The following CCDC125 variants were observed in gnomAD, a reference collection of about 807,000 sequenced individuals.
CCDC125 encodes coiled-coil domain-containing protein 125.
In CCDC125, 43 loss-of-function variants were observed where a neutral mutation model predicts 57.4. The observed-to-expected ratio is 0.75, with a 90% CI of 0.59 to 0.97. CCDC125 has a LOEUF of 0.97. CCDC125 is among the 50% of genes least tolerant of loss of function. The pLI, the probability that CCDC125 is intolerant of heterozygous loss-of-function variation, is 0.00. For missense variants in CCDC125, 563 were observed against 595.7 expected (o/e 0.95, Z 0.57); for synonymous variants, 187 against 195.2 (o/e 0.96, Z 0.35).
At chr5:69,322,416 G>GT (rs1361022696) in intron 1 of CCDC125, among the ~76,000 whole-genome samples, 3 of 151,988 alleles carry the variant, frequency 2.0e-5, no homozygotes, top group African/African-American at 7.2e-5. Flanking sequence ...GGACCCCTGT[G>GT]TATTTCCTTG....
At chr5:69,308,216 C>T in intron 4 of CCDC125, 188 bp from the exon 5 acceptor site, 1 of 595,034 alleles carries the variant, frequency 1.7e-6, no homozygotes, top group South Asian at 2.0e-5. Flanking sequence ...GGCTCTTTTC[C>T]AATGAATGTG....
chr5:69,291,442 C>T (rs921523000), intron 10 of CCDC125, among the ~76,000 whole-genome samples: 2 of 151,990 alleles, frequency 1.3e-5, no homozygotes, highest in Non-Finnish European at 2.9e-5. Context: ...GCAACCTCTG[C>T]CTCCTGGGTT....
rs1359895826 is a variant in CCDC125, at chr5:69,281,779, G to A, written c.*950C>T. On this transcript the variant is annotated 3_prime_UTR_variant, in exon 12 of 12. Coordinates refer to ENST00000396496, the MANE Select transcript of CCDC125 (RefSeq NM_176816.5). ...GAGCATTAAGATACATTGCTATATTGTTGATTTAGCCAAGCTAAGATCCCT... is the reference window on the plus strand; with the variant it reads ...GAGCATTAAGATACATTGCTATATTATTGATTTAGCCAAGCTAAGATCCCT... 6.6e-6 allele frequency: 1 copy of A among 152,024 alleles called. No individual in the cohort carries two copies. Among genetic ancestry groups the A allele is most frequent in the Non-Finnish European group, 1.5e-5 (1 of 68,006 alleles). 9.4% of individuals were successfully genotyped at this position (152,024 alleles called of 1,614,324 possible).
intron 6 of CCDC125, among the ~76,000 whole-genome samples, chr5:69,304,781 A>C (rs564204421): frequency 6.6e-6 from 1 of 152,294 alleles, no homozygotes; most frequent in Admixed American, 6.5e-5. Flanking sequence ...AAATATTTTT[A>C]AACCATCCAT....
Position 69,321,026 on chromosome 5 carries a change from T to G in CCDC125, c.-40-446A>C, listed in dbSNP as rs376737994. On this transcript the variant is annotated intron_variant, in intron 1 of 11. Coordinates refer to ENST00000396496, the MANE Select transcript of CCDC125 (RefSeq NM_176816.5). ...ATGGTGGTTACCAGAGGCTGGGGGA[T>G]GGGAGGAATGGGGAAATGATGGTCA... 4.6e-5 allele frequency among the ~76,000 whole-genome samples: 7 copies of G among 152,024 alleles called. No individual in the cohort carries two copies. In the East Asian group the frequency reaches 1.4e-3, roughly 29 times the overall value.
Position 69,323,308 on chromosome 5 carries a change from C to CA in CCDC125, c.-40-2729dup, listed in dbSNP as rs1261292985. Among the ~76,000 whole-genome samples, 196 of 136,230 alleles carry CA rather than the reference C, an allele frequency of 1.4e-3. 1 individual carries two copies. Among genetic ancestry groups the CA allele is most frequent in the Middle Eastern group, 3.8e-3 (1 of 264 alleles). 89.4% of individuals were successfully genotyped at this position (136,230 alleles called of 152,430 possible). On this transcript the variant is annotated intron_variant, in intron 1 of 11. Transcript: ENST00000396496. Reference sequence around the variant, plus strand: ...TGGGCGACAGAGAAAGACTCCATCTCAAAAAAAAAAAAATTTGTTAATTTG... The same window carrying CA: ...TGGGCGACAGAGAAAGACTCCATCTCAAAAAAAAAAAAAATTTGTTAATTTG...
chr5:69,311,432 C>T (rs1758122519), intron 3 of CCDC125, among the ~76,000 whole-genome samples: 1 of 152,068 alleles, frequency 6.6e-6, no homozygotes, highest in Non-Finnish European at 1.5e-5. Context: ...GGGTGGATCA[C>T]CTGAGGTCAG....
intron 5 of CCDC125, 142 bp downstream of exon 5, chr5:69,307,809 C>T (rs1757571384): frequency 6.2e-6 from 4 of 640,680 alleles, no homozygotes; most frequent in Non-Finnish European, 1.1e-5. Context: ...ATTGTAAACT[C>T]CAAAAGGGAA....
intron 3 of CCDC125, among the ~76,000 whole-genome samples, chr5:69,311,740 A>T (rs1215331949): frequency 2.0e-5 from 3 of 149,676 alleles, no homozygotes; most frequent in African/African-American, 7.3e-5. Flanking sequence ...TGCTTGAACC[A>T]GGAAGGTCTC....
intron 11 of CCDC125, 116 bp from the exon 12 acceptor site, chr5:69,283,150 C>A: frequency 1.3e-6 from 1 of 750,304 alleles, no homozygotes. Flanking sequence ...TCATACTGAT[C>A]TGTCCATCAG....
chr5:69,319,075 G>C (rs567925916), intron 2 of CCDC125, among the ~76,000 whole-genome samples: 1 of 151,430 alleles, frequency 6.6e-6, no homozygotes, highest in African/African-American at 2.4e-5. Context: ...CTACAAGCAC[G>C]TGCCACCACA....
Position 69,300,039 on chromosome 5 carries a change from A to G in CCDC125, c.789T>C (p.Ser263=). ...CAAGACCTGAAGCCTCTGCAAAGCCACTTTTATCACAGCACATGTTTTCCT... is the reference window on the plus strand; with the variant it reads ...CAAGACCTGAAGCCTCTGCAAAGCCGCTTTTATCACAGCACATGTTTTCCT... ...MAQENMCCDK[S]GFAEASGLEL... is the part of the protein sequence containing the mutation. Residue 263 remains serine, a synonymous_variant, in exon 8 of 12, where the codon AGT becomes AGC. Coordinates refer to ENST00000396496, the MANE Select transcript of CCDC125 (RefSeq NM_176816.5). 1 of 1,614,174 alleles carries G rather than the reference A, an allele frequency of 6.2e-7. No individual in the cohort carries two copies. Among genetic ancestry groups the G allele is most frequent in the South Asian group, 1.1e-5 (1 of 91,080 alleles).
rs941742379 is a variant in CCDC125 at position 69,322,764 on chromosome 5, T to C, written c.-40-2184A>G. 6.0e-5 allele frequency among the ~76,000 whole-genome samples: 9 copies of C among 151,022 alleles called. No homozygotes were observed. The East Asian group carries it at 1.9e-3, about 31-fold the overall frequency. On this transcript the variant is annotated intron_variant, in intron 1 of 11. Transcript: ENST00000396496. ...TTTTAGCAGAGACGGGGTTTCACCA[T>C]GTTGGTCAGGCTGGTCTCAAACTCC...
At chr5:69,314,142 G>C in intron 2 of CCDC125, 96 bp from the exon 3 acceptor site, 1 of 849,742 alleles carries the variant, frequency 1.2e-6, no homozygotes, top group Non-Finnish European at 1.9e-6. Flanking sequence ...ACCAAATACA[G>C]GTATCCCCTA....
intron 10 of CCDC125, among the ~76,000 whole-genome samples, chr5:69,285,890 A>C (rs12513817): frequency 0.64 from 97,843 of 151,908 alleles, 32,556 homozygotes; most frequent in African/African-American, 0.81. Flanking sequence ...GCTTCCGAAC[A>C]GCAAAGACCT....
chr5:69,292,412 T>C (rs1470262099), intron 9 of CCDC125, 50 bp from the exon 10 acceptor site: 1 of 1,414,270 alleles, frequency 7.1e-7, no homozygotes, highest in Admixed American at 1.8e-5. Flanking sequence ...ACCAGAACAA[T>C]TCTTGCTGAA....
chr5:69,277,873 G>A (rs890262455), downstream of CCDC125, among the ~76,000 whole-genome samples: 3 of 151,992 alleles, frequency 2.0e-5, no homozygotes, highest in Non-Finnish European at 4.4e-5. Flanking sequence ...AGATAAAATT[G>A]AGATTCCCCC....
the CCDC125 span, among the ~76,000 whole-genome samples, chr5:69,273,764 G>A: frequency 6.6e-6 from 1 of 152,132 alleles, no homozygotes; most frequent in South Asian, 2.1e-4. Flanking sequence ...GTAATATTAA[G>A]CATACAAAAT....
intron 2 of CCDC125, among the ~76,000 whole-genome samples, chr5:69,315,797 A>C (rs1324832058): frequency 1.3e-5 from 2 of 151,112 alleles, no homozygotes; most frequent in Non-Finnish European, 2.9e-5. Flanking sequence ...AAAAAAACCT[A>C]AATTTAATTT....
Sources: allele counts gnomAD v4.1 joint callset (sites outside exome capture counted in the v4.1 genomes callset), GRCh38; gene constraint gnomAD v4.1.1; transcripts MANE v1.5; gene names NCBI Gene and HGNC (gene_info 2026-07-23, HGNC 2026-07-21).